Variants in HHLA2 observed in about 807,000 individuals in gnomAD.
HHLA2 encodes the protein HERV-H LTR-associating protein 2.
In HHLA2, 48 loss-of-function variants were observed where a neutral mutation model predicts 45.9. The ratio of observed to expected loss-of-function variants is 1.05; its 90% CI spans 0.83 to 1.33. HHLA2 has a LOEUF of 1.33. Among genes scored for constraint, HHLA2 ranks in the 40% most tolerant of loss-of-function variants. The probability of loss-of-function intolerance (pLI) is 0.00; values close to 1 mark genes in which losing one functional copy is unlikely to be tolerated. For missense variants in HHLA2, 462 were observed against 494.3 expected (o/e 0.93, Z 0.62); for synonymous variants, 161 against 173.9 (o/e 0.93, Z 0.59).
chr3:108,296,971 C>T (rs940302571), intron 1 of HHLA2, among the ~76,000 whole-genome samples: 14 of 152,162 alleles, frequency 9.2e-5, no homozygotes, highest in African/African-American at 3.4e-4. Flanking sequence ...TCTAGTTACA[C>T]TACAGAGTTT....
chr3:108,353,314 C>T (rs2081814788), intron 4 of HHLA2, 113 bp from the exon 4 acceptor site: 1 of 631,660 alleles, frequency 1.6e-6, no homozygotes, highest in South Asian at 2.3e-5. Flanking sequence ...ATTATGTGGT[C>T]TACTAATAAT....
intron 8 of HHLA2, among the ~76,000 whole-genome samples, chr3:108,365,551 A>G (rs2082049863): frequency 6.6e-6 from 1 of 152,192 alleles, no homozygotes; most frequent in Non-Finnish European, 1.5e-5. Context: ...TGGTAGCTTG[A>G]TGAGAATAGC....
At chr3:108,318,970 C>T (rs1298179249) in intron 2 of HHLA2, among the ~76,000 whole-genome samples, 2 of 152,170 alleles carry the variant, frequency 1.3e-5, no homozygotes, top group Non-Finnish European at 2.9e-5. Flanking sequence ...GCTCCATTCT[C>T]CCCAAACACA....
intron 8 of HHLA2, 113 bp downstream of exon 7, chr3:108,362,559 G>T: frequency 8.3e-6 from 6 of 723,690 alleles, no homozygotes; most frequent in African/African-American, 1.8e-5. Context: ...TGAATTTTCT[G>T]GAATGTCATT....
intron 5 of HHLA2, 46 bp from the exon 5 acceptor site, chr3:108,355,069 A>G: frequency 1.3e-6 from 2 of 1,567,688 alleles, no homozygotes; most frequent in East Asian, 4.5e-5. Context: ...CCTATAAAGA[A>G]GCTAATGATG....
At chr3:108,322,429 C>T (rs543108994) in intron 2 of HHLA2, among the ~76,000 whole-genome samples, 1 of 152,260 alleles carries the variant, frequency 6.6e-6, no homozygotes, top group East Asian at 1.9e-4. Flanking sequence ...GGTTTAACTT[C>T]TTAAATCGTT....
chr3:108,377,197 A>G (rs2082289670), intron 10 of HHLA2, 61 bp from the exon 10 acceptor site: 3 of 1,124,070 alleles, frequency 2.7e-6, no homozygotes, highest in Non-Finnish European at 2.7e-6. Flanking sequence ...AATATTTAAG[A>G]TATAAATGGT....
intron 8 of HHLA2, among the ~76,000 whole-genome samples, chr3:108,372,122 CTG>C (rs1303962776): frequency 6.6e-6 from 1 of 152,222 alleles, no homozygotes; most frequent in African/African-American, 2.4e-5. Context: ...TTATAACAAA[CTG>C]TCTCTCAGAC....
At chr3:108,375,892 C>CTT in intron 9 of HHLA2, 92 bp downstream of exon 8, 1 of 1,482,272 alleles carries the variant, frequency 6.7e-7, no homozygotes, top group Non-Finnish European at 9.1e-7. Context: ...GTATTGGCCA[C>CTT]TTTAAAAAAT....
intron 2 of HHLA2, among the ~76,000 whole-genome samples, chr3:108,313,477 C>G (rs544563801): frequency 6.6e-6 from 1 of 152,176 alleles, no homozygotes; most frequent in African/African-American, 2.4e-5. Flanking sequence ...AGGGCCCCCA[C>G]GGATATTACC....
chr3:108,366,633 A>G (rs2107496259), intron 8 of HHLA2, among the ~76,000 whole-genome samples: 1 of 152,200 alleles, frequency 6.6e-6, no homozygotes, highest in East Asian at 1.9e-4. Flanking sequence ...GTGGGTTATT[A>G]ATTACTGCTT....
rs146051107 is a variant in HHLA2, at chr3:108,307,362, G to A, written c.-191-3293G>A. Among the ~76,000 whole-genome samples, 167 of 152,166 alleles carry A rather than the reference G, an allele frequency of 1.1e-3. 1 individual carries two copies. The highest frequency in any genetic ancestry group is 3.4e-3 in the Middle Eastern group (1 of 294). On this transcript the variant is annotated intron_variant, in intron 1 of 10. Transcript: ENST00000619531. The stretch of plus-strand genomic sequence containing the variant: ...TTATAAGAGTTCTTGTTGGCCAGGC[G>A]TGGTGGCTCACGGCTGTAATCTCAG...
intron 8 of HHLA2, among the ~76,000 whole-genome samples, chr3:108,371,393 G>A (rs562530549): frequency 2.0e-5 from 3 of 152,256 alleles, no homozygotes; most frequent in South Asian, 2.1e-4. Flanking sequence ...AAAGACCATC[G>A]AGGCTAGGAA....
chr3:108,366,539 A>G (rs898392653), intron 8 of HHLA2, among the ~76,000 whole-genome samples: 44 of 152,302 alleles, frequency 2.9e-4, no homozygotes, highest in African/African-American at 1.1e-3. Flanking sequence ...TTGGAATAGT[A>G]TCAGAAGGAA....
intron 2 of HHLA2, among the ~76,000 whole-genome samples, chr3:108,315,304 G>T (rs2107324303): frequency 6.6e-6 from 1 of 152,268 alleles, no homozygotes; most frequent in South Asian, 2.1e-4. Context: ...AGAACCCTCA[G>T]ATATGACCAA....
At chr3:108,367,991 C>T (rs1414697753) in intron 8 of HHLA2, among the ~76,000 whole-genome samples, 1 of 152,172 alleles carries the variant, frequency 6.6e-6, no homozygotes, top group Non-Finnish European at 1.5e-5. Flanking sequence ...GGAAGTCCAT[C>T]AGACTAACAA....
In HHLA2 at chr3:108,325,872, C is replaced by T. The variant is rs529878784; in HGVS notation, c.-104-2398C>T. 101 of 398,448 alleles carry T rather than the reference C, an allele frequency of 2.5e-4. No homozygotes were observed. The East Asian group carries it at 4.7e-3, about 19-fold the overall frequency. The allele number at this position is 398,448 out of a possible 1,614,324, so 24.7% of individuals were successfully genotyped here. ...CTCACATCTCTAGAACTACTTTGAC[C>T]TCTTTGGCTGGATGAAGCACTAGCC... On this transcript the variant is annotated intron_variant, in intron 2 of 10. Transcript: ENST00000619531.
At chr3:108,373,097 C>T (rs9810661) in intron 8 of HHLA2, among the ~76,000 whole-genome samples, 11,594 of 152,142 alleles carry the variant, frequency 0.076, 595 homozygotes, top group Middle Eastern at 0.12. Context: ...ATTGGCAAAC[C>T]GAATCCAGCA....
intron 2 of HHLA2, chr3:108,328,146 A>T: frequency 2.0e-6 from 1 of 508,264 alleles, no homozygotes; most frequent in Admixed American, 4.1e-5. Context: ...GAAAAAAAAA[A>T]AGTTGTAGAA....
Sources: allele counts gnomAD v4.1 joint callset (sites outside exome capture counted in the v4.1 genomes callset), GRCh38; gene constraint gnomAD v4.1.1; transcripts MANE v1.5; gene names NCBI Gene and HGNC (gene_info 2026-07-23, HGNC 2026-07-21).